Variants in ENAH observed in about 807,000 individuals in gnomAD.
ENAH encodes the protein protein enabled homolog.
In ENAH, 23 loss-of-function variants were observed where a neutral mutation model predicts 78.7. That is an observed-to-expected ratio of 0.29 (90% confidence interval 0.21 to 0.41). ENAH has a LOEUF of 0.41. Among genes scored for constraint, ENAH ranks in the 10% least tolerant of loss-of-function variants. ENAH has a pLI of 1.00. For missense variants in ENAH, 544 were observed against 691.0 expected, an observed-to-expected ratio of 0.79 and a Z score of 2.39; for synonymous variants, 226 against 241.0, an observed-to-expected ratio of 0.94 and a Z score of 0.58.
intron 1 of ENAH, among the ~76,000 whole-genome samples, chr1:225,571,881 T>C (rs2096764568): frequency 6.6e-6 from 1 of 152,148 alleles, no homozygotes; most frequent in African/African-American, 2.4e-5. Flanking sequence ...CCTCACACCT[T>C]ACCCTATGCC....
chr1:225,529,841 A>T (rs1244867967), intron 4 of ENAH, among the ~76,000 whole-genome samples: 1 of 152,208 alleles, frequency 6.6e-6, no homozygotes, highest in Admixed American at 6.5e-5. Context: ...TGTCTGAAGA[A>T]CAGCTGTACC....
intron 11 of ENAH, 68 bp downstream of exon 11, chr1:225,507,883 T>C (rs1471916959): frequency 1.8e-6 from 2 of 1,138,040 alleles, no homozygotes; most frequent in Non-Finnish European, 2.4e-6. Flanking sequence ...AATTTTTTTC[T>C]ACACTAAGAA....
intron 2 of ENAH, among the ~76,000 whole-genome samples, chr1:225,562,496 C>T (rs1255466342): frequency 1.4e-5 from 2 of 142,686 alleles, no homozygotes; most frequent in Non-Finnish European, 3.0e-5. Context: ...GGCATGAACC[C>T]GGAAGGCAGA....
chr1:225,644,016 ATATAG>A (rs975970223), intron 1 of ENAH, among the ~76,000 whole-genome samples: 90 of 152,236 alleles, frequency 5.9e-4, no homozygotes, highest in African/African-American at 2.1e-3. Context: ...CACAATACAA[ATATAG>A]TATAATTCCA....
intron 3 of ENAH, among the ~76,000 whole-genome samples, chr1:225,534,374 T>A (rs1310425559): frequency 6.6e-6 from 1 of 152,168 alleles, no homozygotes; most frequent in African/African-American, 2.4e-5. Flanking sequence ...AATATAACTT[T>A]AAGTGACTAA....
At chr1:225,569,352 G>A (rs1459451984) in intron 1 of ENAH, among the ~76,000 whole-genome samples, 3 of 152,174 alleles carry the variant, frequency 2.0e-5, no homozygotes, top group Non-Finnish European at 4.4e-5. Context: ...GAGGGACAGC[G>A]TTAGGAGAAA....
Position 225,652,827 on chromosome 1 carries a change from G to A in ENAH, c.-137C>T, listed in dbSNP as rs1055578672. 1.7e-5 allele frequency: 11 copies of A among 630,972 alleles called. No individual in the cohort carries two copies. The highest frequency in any genetic ancestry group is 2.3e-5 in the Non-Finnish European group (10 of 432,078). The allele number at this position is 630,972 out of a possible 1,614,324, so 39.1% of individuals were successfully genotyped here. On this transcript the variant is annotated 5_prime_UTR_variant, in exon 1 of 14. Coordinates refer to ENST00000366843, the MANE Select transcript of ENAH (RefSeq NM_018212.6). ...TGTCCGGCTCCTCCTTCGGCGGCCA[G>A]GGGGCTACACCATCTCCTCGCACAA... is the stretch of plus-strand genomic sequence containing the variant.
rs931730037 is a variant in ENAH, at chr1:225,491,623, T to C, written c.*6152A>G. ...TATATGGTTGCAACAATGTGTATTT[T>C]AAGTGTAAGCCAAGAACCTTTTCTC... On this transcript the variant is annotated 3_prime_UTR_variant, in exon 14 of 14. Coordinates refer to ENST00000366843, the MANE Select transcript of ENAH (RefSeq NM_018212.6). 2.6e-5 allele frequency: 4 copies of C among 152,238 alleles called. No individual in the cohort carries two copies. Among genetic ancestry groups the C allele is most frequent in the Non-Finnish European group, 4.4e-5 (3 of 68,042 alleles). 9.4% of individuals were successfully genotyped at this position (152,238 alleles called of 1,614,324 possible).
chr1:225,625,198 A>G (rs972950858), intron 1 of ENAH, among the ~76,000 whole-genome samples: 1 of 152,266 alleles, frequency 6.6e-6, no homozygotes, highest in Non-Finnish European at 1.5e-5. Flanking sequence ...AAGCTAGGGT[A>G]TAAGCAATCA....
At chr1:225,573,447 G>T (rs2096773343) in intron 1 of ENAH, among the ~76,000 whole-genome samples, 1 of 152,118 alleles carries the variant, frequency 6.6e-6, no homozygotes, top group Non-Finnish European at 1.5e-5. Flanking sequence ...AAGACTCTCT[G>T]AGGAGGCAAT....
At chr1:225,651,903 AT>A (rs1663089467) in intron 1 of ENAH, among the ~76,000 whole-genome samples, 1 of 152,384 alleles carries the variant, frequency 6.6e-6, no homozygotes, top group Non-Finnish European at 1.5e-5. Context: ...AATTAAAAAA[AT>A]ATTTTACGAC....
rs1238020639 is a variant in ENAH, at chr1:225,652,465, G to A, written c.5+221C>T. ...GAAAGAAGAGCATTTGAGGAAAAAT[G>A]AGAGAACGATGAAGCGAGACCCCCA... On this transcript the variant is annotated intron_variant, in intron 1 of 13. Coordinates refer to ENST00000366843, the MANE Select transcript of ENAH (RefSeq NM_018212.6). 3 of 965,992 alleles carry A rather than the reference G, an allele frequency of 3.1e-6. No homozygotes were observed. The African/African-American group carries it at 5.3e-5, about 17-fold the overall frequency. The allele number at this position is 965,992 out of a possible 1,614,324, so 59.8% of individuals were successfully genotyped here.
intron 3 of ENAH, among the ~76,000 whole-genome samples, chr1:225,547,227 A>G (rs978253502): frequency 6.6e-6 from 1 of 151,988 alleles, no homozygotes; most frequent in African/African-American, 2.4e-5. Context: ...GCGCACCACC[A>G]TGCCCAGCTT....
intron 2 of ENAH, among the ~76,000 whole-genome samples, chr1:225,566,071 C>G (rs1420075342): frequency 1.3e-5 from 2 of 152,056 alleles, no homozygotes; most frequent in African/African-American, 2.4e-5. Context: ...TTTCAGTGCT[C>G]TACAACCAGT....
At chr1:225,513,961 T>C (rs1442923775) in intron 7 of ENAH, among the ~76,000 whole-genome samples, 1 of 151,534 alleles carries the variant, frequency 6.6e-6, no homozygotes, top group Non-Finnish European at 1.5e-5. Context: ...GGCACTCCAG[T>C]CTGGATAACA....
intron 10 of ENAH, among the ~76,000 whole-genome samples, chr1:225,510,643 G>C (rs540709253): frequency 1.3e-5 from 2 of 151,446 alleles, no homozygotes; most frequent in East Asian, 1.9e-4. Flanking sequence ...ATGAGGAATG[G>C]GGGGAGTGGT....
In ENAH at chr1:225,495,900, TACAGAA is replaced by T. The variant is rs2096248012; in HGVS notation, c.*1869_*1874del. ...CAGTTTAATCTAAAAATGAAATTTC[TACAGAA>T]ACAGGAACTATTTTGACAAAGAAAA... On this transcript the variant is annotated 3_prime_UTR_variant, in exon 14 of 14. Transcript: ENST00000366843. 1 of 152,552 alleles carries T rather than the reference TACAGAA, an allele frequency of 6.6e-6. No homozygotes were observed. The highest frequency in any genetic ancestry group is 6.6e-5 in the Admixed American group (1 of 15,262). The allele number at this position is 152,552 out of a possible 1,614,324, so 9.4% of individuals were successfully genotyped here.
At chr1:225,653,236 G>A (rs1391112424), upstream of ENAH, 1 of 150,438 alleles carries the variant, frequency 6.6e-6, no homozygotes, top group Non-Finnish European at 1.5e-5. The surrounding 1 kb of genome is among the most constrained non-coding windows in gnomAD (Gnocchi z 4.3). Context: ...GGGGGGAGGG[G>A]AGGAAAGGGG....
At chr1:225,573,022 A>G (rs1378944407) in intron 1 of ENAH, among the ~76,000 whole-genome samples, 3 of 152,186 alleles carry the variant, frequency 2.0e-5, no homozygotes, top group African/African-American at 7.2e-5. Flanking sequence ...ATATTGTCAA[A>G]TTGACTGAGC....
Sources: allele counts gnomAD v4.1 joint callset (sites outside exome capture counted in the v4.1 genomes callset), GRCh38; gene constraint gnomAD v4.1.1; non-coding constraint Gnocchi (gnomAD v3.1); transcripts MANE v1.5; gene names NCBI Gene and HGNC (gene_info 2026-07-23, HGNC 2026-07-21).